CLCA4: variants seen among roughly 807,000 people sequenced by gnomAD.
The protein encoded by CLCA4 is chloride channel accessory 4.
Under a neutral mutation model 78.9 loss-of-function variants are expected in CLCA4, and 69 were observed. The observed-to-expected ratio is 0.87, with a 90% CI of 0.72 to 1.07. The LOEUF is 1.07. Among genes scored for constraint, CLCA4 ranks in the 50% least tolerant of loss-of-function variants. The probability of loss-of-function intolerance (pLI) is 0.00; values close to 1 mark genes in which losing one functional copy is unlikely to be tolerated. For missense variants in CLCA4, 1,133 were observed against 1,095.8 expected, an observed-to-expected ratio of 1.03 and a Z score of -0.48; for synonymous variants, 362 against 375.8, an observed-to-expected ratio of 0.96 and a Z score of 0.42.
rs954226571 is a variant in CLCA4 at position 86,563,778 on chromosome 1, A to G, written c.557+9A>G. On this transcript the variant is annotated intron_variant, in intron 4 of 13. Coordinates refer to ENST00000370563, the MANE Select transcript of CLCA4 (RefSeq NM_012128.4). ...AAAATCGAAGCAACAAGGCATGGCT[A>G]TTTAAATTTTCTAAACTGACTTCAG... The G allele has an allele frequency of 1.3e-6, 2 of 1,519,538 alleles. No individual in the cohort carries two copies. Among genetic ancestry groups the G allele is most frequent in the African/African-American group, 2.8e-5 (2 of 72,506 alleles). 94.1% of individuals were successfully genotyped at this position (1,519,538 alleles called of 1,614,324 possible).
chr1:86,549,479 A>C (rs1239496406), intron 1 of CLCA4, among the ~76,000 whole-genome samples: 1 of 152,082 alleles, frequency 6.6e-6, no homozygotes, highest in African/African-American at 2.4e-5. Flanking sequence ...TTCAGGAATC[A>C]CTCTGACTGC....
At chr1:86,573,125 C>G (rs1650404415) in intron 9 of CLCA4, among the ~76,000 whole-genome samples, 1 of 151,886 alleles carries the variant, frequency 6.6e-6, no homozygotes, top group South Asian at 2.1e-4. Flanking sequence ...AACTCAAGAA[C>G]CTGGCTGGGA....
At chr1:86,554,173 G>A (rs1649758670) in intron 1 of CLCA4, among the ~76,000 whole-genome samples, 1 of 152,042 alleles carries the variant, frequency 6.6e-6, no homozygotes, top group Non-Finnish European at 1.5e-5. Context: ...AGACCCCAGT[G>A]TCTCTTGTTC....
intron 13 of CLCA4, 51 bp from the exon 14 acceptor site, chr1:86,579,891 T>A (rs2231602): frequency 0.012 from 14,078 of 1,165,220 alleles, 110 homozygotes; most frequent in Middle Eastern, 0.029. Context: ...TAAAAAGGAA[T>A]GAATATGCTA....
chr1:86,550,956 C>A (rs1649639606), intron 1 of CLCA4, among the ~76,000 whole-genome samples: 1 of 151,342 alleles, frequency 6.6e-6, no homozygotes, highest in Non-Finnish European at 1.5e-5. Flanking sequence ...CTCAGCCTCC[C>A]GAGTGGCTGG....
Position 86,574,618 on chromosome 1 carries a change from G to C in CLCA4, c.1546G>C (p.Asp516His). Residue 516 changes from aspartate to histidine, a missense_variant, in exon 10 of 14, where the codon GAC becomes CAC. By Grantham distance (81) the Asp-to-His change is moderately conservative. Transcript: ENST00000370563. ...TVIIDSTVGKDTFFLITWNSL... is the reference protein window; with the variant it reads ...TVIIDSTVGKHTFFLITWNSL... ...CATAATTGATAGTACAGTGGGAAAG[G>C]ACACGTTCTTTCTCATCACATGGAA... 5 of 1,612,628 alleles carry C rather than the reference G, an allele frequency of 3.1e-6. No homozygotes were observed. The highest frequency in any genetic ancestry group is 4.2e-6 in the Non-Finnish European group (5 of 1,178,930).
rs760140497 is a variant in CLCA4 at position 86,567,610 on chromosome 1, G to C, written c.1141G>C (p.Gly381Arg). 3.1e-6 allele frequency: 5 copies of C among 1,612,680 alleles called. No individual in the cohort carries two copies. In the South Asian group the frequency reaches 5.5e-5, roughly 18 times the overall value. ...LMAGLPTYPL[G>R]GTSICSGIKY... ...GGCAGGATTACCTACATATCCTCTG[G>C]GAGGAACTTCCATCTGCTCTGGAAT... The change falls in exon 7 of 14, where the codon GGA becomes CGA. Residue 381 changes from glycine (G) to arginine (R), a missense_variant. Physicochemically the swap from Gly to Arg is moderately radical, Grantham distance 125. Coordinates refer to ENST00000370563, the MANE Select transcript of CLCA4 (RefSeq NM_012128.4).
chr1:86,565,362 A>G lies in CLCA4; in HGVS notation c.646A>G (p.Thr216Ala), dbSNP rs753729138. ...TAGAGCATGCAGAATTGATTCTACA[A>G]CAAAACTGTATGGAAAAGATTGTCA... is the stretch of plus-strand genomic sequence containing the variant. ...LSRACRIDST[T>A]KLYGKDCQFF... The change falls in exon 5 of 14, where the codon ACA (threonine) becomes GCA (alanine). Residue 216 changes from threonine (T) to alanine (A), a missense_variant. By Grantham distance (58) the Thr-to-Ala change is moderately conservative. Coordinates refer to ENST00000370563, the MANE Select transcript of CLCA4 (RefSeq NM_012128.4). 1.2e-6 allele frequency: 2 copies of G among 1,609,366 alleles called. No homozygotes were observed. The highest frequency in any genetic ancestry group is 2.2e-5 in the South Asian group (2 of 90,822).
chr1:86,577,615 G>A lies in CLCA4; in HGVS notation c.1952-287G>A, dbSNP rs150452260. Among the ~76,000 whole-genome samples the A allele has an allele frequency of 2.8e-4, 42 of 152,130 alleles. No homozygotes were observed. In the East Asian group the frequency reaches 7.0e-3, roughly 25 times the overall value. ...GTACTATATGTAATATTCTGTATAT[G>A]AATTAATAAGGACAGAAAGGTGAAG... On this transcript the variant is annotated intron_variant, in intron 11 of 13. Coordinates refer to ENST00000370563, the MANE Select transcript of CLCA4 (RefSeq NM_012128.4).
At chr1:86,575,163 A>G (rs1650471221) in intron 10 of CLCA4, among the ~76,000 whole-genome samples, 169 bp from the exon 11 acceptor site, 1 of 152,066 alleles carries the variant, frequency 6.6e-6, no homozygotes, top group Non-Finnish European at 1.5e-5. Flanking sequence ...GAATGGTACT[A>G]CTTGGCATGC....
intron 1 of CLCA4, among the ~76,000 whole-genome samples, chr1:86,550,980 T>C (rs374868321): frequency 2.8e-3 from 429 of 151,624 alleles, no homozygotes; most frequent in African/African-American, 7.2e-3. Flanking sequence ...TACAGGCGCC[T>C]GCCACCACGC....
At chr1:86,552,661 C>G in intron 1 of CLCA4, 1 of 864,086 alleles carries the variant, frequency 1.2e-6, no homozygotes, top group Non-Finnish European at 1.9e-6. Context: ...CCAGCTCGCC[C>G]AGATCGGACT....
intron 9 of CLCA4, among the ~76,000 whole-genome samples, chr1:86,574,261 C>T (rs1441021373): frequency 6.6e-6 from 1 of 151,904 alleles, no homozygotes; most frequent in African/African-American, 2.4e-5. Flanking sequence ...GGAAAACATC[C>T]ATGAATGCTT....
intron 7 of CLCA4, among the ~76,000 whole-genome samples, 176 bp downstream of exon 7, chr1:86,567,827 A>G (rs1052400671): frequency 2.0e-5 from 3 of 152,046 alleles, no homozygotes; most frequent in African/African-American, 7.2e-5. Context: ...TCAGTGAATC[A>G]ATGAACAACC....
intron 3 of CLCA4, among the ~76,000 whole-genome samples, chr1:86,562,811 G>A (rs897673415): frequency 1.3e-5 from 2 of 148,988 alleles, no homozygotes; most frequent in African/African-American, 5.0e-5. Flanking sequence ...CTGAGATCGC[G>A]CCATTGCACT....
rs1291715279 is a variant in CLCA4, at chr1:86,579,550, A to T, written c.2319A>T (p.Thr773=). ...TTCATGAGGATAAGATTATTCTTAC[A>T]TGGACAGCACCAGGAGATAATTTTG... ...ATVHEDKIIL[T]WTAPGDNFDV... The change falls in exon 13 of 14, where the codon ACA becomes ACT. Residue 773 remains threonine (T), a synonymous_variant. Coordinates refer to ENST00000370563, the MANE Select transcript of CLCA4 (RefSeq NM_012128.4). 1 of 1,590,548 alleles carries T rather than the reference A, an allele frequency of 6.3e-7. No homozygotes were observed. The highest frequency in any genetic ancestry group is 1.1e-5 in the South Asian group (1 of 90,762).
At position 86,548,738 on chromosome 1, in the gene CLCA4, G is replaced by A. The variant is rs573815701; in HGVS notation, c.159+1460G>A. The stretch of plus-strand genomic sequence containing the variant: ...GGATGTCTTCTGTTTGAATTATGGA[G>A]AAGAAAACAAAGTTAATAGTTAATA... On this transcript the variant is annotated intron_variant, in intron 1 of 13. Coordinates refer to ENST00000370563, the MANE Select transcript of CLCA4 (RefSeq NM_012128.4). 4.7e-5 allele frequency among the ~76,000 whole-genome samples: 7 copies of A among 148,676 alleles called. No individual in the cohort carries two copies. The East Asian group carries it at 1.2e-3, about 25-fold the overall frequency.
intron 4 of CLCA4, 89 bp from the exon 5 acceptor site, chr1:86,565,185 A>G: frequency 1.2e-6 from 1 of 842,990 alleles, no homozygotes; most frequent in Non-Finnish European, 1.9e-6. Flanking sequence ...ACATCTTGAT[A>G]TAAAGTTCAT....
chr1:86,573,291 G>A (rs1476598988), intron 9 of CLCA4, among the ~76,000 whole-genome samples: 1 of 151,678 alleles, frequency 6.6e-6, no homozygotes, highest in African/African-American at 2.4e-5. Flanking sequence ...TAACACTTTT[G>A]CTCATCTGGG....
Sources: gnomAD v4.1 joint callset for allele counts (sites outside exome capture counted in the v4.1 genomes callset) on GRCh38, gnomAD v4.1.1 for gene constraint, MANE v1.5 for transcripts, NCBI Gene and HGNC (gene_info 2026-07-23, HGNC 2026-07-21) for gene names.